IQGAP3: variants seen among roughly 807,000 people sequenced by gnomAD.
The protein encoded by IQGAP3 is ras GTPase-activating-like protein IQGAP3.
IQGAP3 carries 165 observed loss-of-function variants against 208.2 expected under a neutral mutation model. The observed-to-expected ratio is 0.79, with a 90% CI of 0.70 to 0.90. The LOEUF (loss-of-function observed/expected upper bound fraction) is 0.90. Among genes scored for constraint, IQGAP3 ranks in the 40% least tolerant of loss-of-function variants. The probability of loss-of-function intolerance (pLI) is 0.00; values close to 1 mark genes in which losing one functional copy is unlikely to be tolerated. For synonymous variants in IQGAP3, 703 were observed against 803.6 expected, an observed-to-expected ratio of 0.87 and a Z score of 2.12; for missense variants, 1,811 against 2,043.1, an observed-to-expected ratio of 0.89 and a Z score of 2.19.
At position 156,572,546 on chromosome 1, in the gene IQGAP3, G is replaced by T. The variant is rs752588813; in HGVS notation, c.-17C>A. On this transcript the variant is annotated 5_prime_UTR_variant, in exon 1 of 38. In the 5' UTR this introduces an upstream ATG that the reference lacks. Coordinates refer to ENST00000361170, the MANE Select transcript of IQGAP3 (RefSeq NM_178229.5). ...CCTCTCCATGTTCCTCCTTCTTCCA[G>T]GTTTGAATCTCCCGCCGTTGGGCCA... is the stretch of plus-strand genomic sequence containing the variant. 40 of 1,612,902 alleles carry T rather than the reference G, an allele frequency of 2.5e-5. No homozygotes were observed. The highest frequency in any genetic ancestry group is 3.3e-5 in the Non-Finnish European group (39 of 1,179,888).
Position 156,566,533 on chromosome 1 carries a change from AG to A in IQGAP3, c.138del (p.Cys47AlafsTer2). 6.2e-7 allele frequency: 1 copy of A among 1,614,108 alleles called. No homozygotes were observed. The highest frequency in any genetic ancestry group is 8.5e-7 in the Non-Finnish European group (1 of 1,179,996). Reference protein sequence around the residue: ...RLEEAKRWMEACLKEELPSPV... With the variant: ...RLEEAKRWMEXCLKEELPSPV... ...GGGGAAGGAAGCTCCTCCTTCAGGC[AG>A]GCCTCCATCCAGCTATGAACATGAG... is the stretch of plus-strand genomic sequence containing the variant. On this transcript the variant is annotated frameshift_variant, in exon 3 of 38. Transcript: ENST00000361170. LOFTEE classifies it high-confidence loss of function.
chr1:156,563,568 C>G lies in IQGAP3; in HGVS notation c.604G>C (p.Val202Leu), dbSNP rs752788797. ...TAGTCCTTACCTGCAGCCTCATCCA[C>G]CGAGAGCTCATTGGCCAAGATGCCC... ...IGGILANELSVDEAAVHAAVL... is the reference protein window; with the variant it reads ...IGGILANELSLDEAAVHAAVL... The change falls in exon 7 of 38, where the codon GTG becomes CTG. Residue 202 changes from valine to leucine, a missense_variant. Transcript: ENST00000361170. 1 of 1,613,644 alleles carries G rather than the reference C, an allele frequency of 6.2e-7. No individual in the cohort carries two copies. The highest frequency in any genetic ancestry group is 8.5e-7 in the Non-Finnish European group (1 of 1,179,800).
chr1:156,535,987 C>T (rs1674667837), intron 27 of IQGAP3, among the ~76,000 whole-genome samples: 1 of 152,170 alleles, frequency 6.6e-6, no homozygotes, highest in Admixed American at 6.5e-5. Flanking sequence ...ATTATTATTC[C>T]TATTATGGAT....
At chr1:156,547,412 C>CACAG (rs1320204644) in intron 19 of IQGAP3, among the ~76,000 whole-genome samples, 1 of 151,628 alleles carries the variant, frequency 6.6e-6, no homozygotes, top group Non-Finnish European at 1.5e-5. Flanking sequence ...CACACACACA[C>CACAG]ACACACACAC....
rs1283929712 is a variant in IQGAP3 at position 156,528,901 on chromosome 1, G to A, written c.4571+15C>T. The A allele has an allele frequency of 6.2e-7, 1 of 1,613,972 alleles. No individual in the cohort carries two copies. The highest frequency in any genetic ancestry group is 8.5e-7 in the Non-Finnish European group (1 of 1,179,960). ...GTCACTCGTAACCTTCCAAGTACGG[G>A]AAAGCAGCACCTACTTGGAGTCGGG... On this transcript the variant is annotated intron_variant, in intron 35 of 37. Coordinates refer to ENST00000361170, the MANE Select transcript of IQGAP3 (RefSeq NM_178229.5).
At position 156,566,039 on chromosome 1, in the gene IQGAP3, G is replaced by T. The variant is rs750328555; in HGVS notation, c.348C>A (p.Ile116=). 1.9e-6 allele frequency: 3 copies of T among 1,613,110 alleles called. No homozygotes were observed. The South Asian group carries it at 3.3e-5, about 18-fold the overall frequency. The change falls in exon 4 of 38, where the codon ATC becomes ATA. Residue 116 remains isoleucine, a synonymous_variant. Coordinates refer to ENST00000361170, the MANE Select transcript of IQGAP3 (RefSeq NM_178229.5). ...INFWLSAIAH[I]GLPSTFFPET... Reference sequence around the variant, plus strand: ...GGCCCAGTATTACCGAAGGCAGACCGATGTGGGCTATTGCAGATAGCCAAA... The same window carrying T: ...GGCCCAGTATTACCGAAGGCAGACCTATGTGGGCTATTGCAGATAGCCAAA...
At chr1:156,541,104 T>A (rs1022503922) in intron 22 of IQGAP3, among the ~76,000 whole-genome samples, 188 bp from the exon 23 acceptor site, 1 of 151,766 alleles carries the variant, frequency 6.6e-6, no homozygotes, top group Non-Finnish European at 1.5e-5. Context: ...GCCAGGCCTG[T>A]CCCTGAGCTT....
rs2102450802 is a variant in IQGAP3 at position 156,569,421 on chromosome 1, T to C, written c.80A>G (p.Gln27Arg). 9.9e-6 allele frequency: 16 copies of C among 1,612,554 alleles called. No homozygotes were observed. Among genetic ancestry groups the C allele is most frequent in the East Asian group, 2.2e-5 (1 of 44,800 alleles). Residue 27 changes from glutamine (Q) to arginine (R), a missense_variant, in exon 2 of 38, where the codon CAG (glutamine) becomes CGG (arginine). Transcript: ENST00000361170. ...GCACAGGTACTGATAGGCAACATTC[T>C]GCCGCCTCTGCTCATCCATCTCCTC... The part of the protein sequence containing the change: ...TAEEMDEQRR[Q>R]NVAYQYLCRL...
intron 11 of IQGAP3, among the ~76,000 whole-genome samples, chr1:156,560,095 T>A (rs2102431051): frequency 6.6e-6 from 1 of 152,336 alleles, no homozygotes. Flanking sequence ...GGCAAGCAAC[T>A]GTAACAGGCC....
At chr1:156,549,357 A>G (rs953362947) in intron 16 of IQGAP3, among the ~76,000 whole-genome samples, 2 of 151,684 alleles carry the variant, frequency 1.3e-5, no homozygotes, top group African/African-American at 2.4e-5. Context: ...TATAATCCCA[A>G]CTACTCGGGA....
chr1:156,547,098 C>T (rs1454742438), intron 19 of IQGAP3, among the ~76,000 whole-genome samples: 1 of 152,174 alleles, frequency 6.6e-6, no homozygotes, highest in Admixed American at 6.5e-5. Flanking sequence ...AAGGTATCTG[C>T]TCAATTGCCA....
rs1437948376 is a variant in IQGAP3 at position 156,566,490 on chromosome 1, C to A, written c.182G>T (p.Ser61Ile). Residue 61 changes from serine to isoleucine, a missense_variant, in exon 3 of 38, where the codon AGC (serine) becomes ATC (isoleucine). Physicochemically the swap from Ser to Ile is moderately radical, Grantham distance 142 (BLOSUM62 -2). Transcript: ENST00000361170. ...GGCCAGCAGCACTCCATTCCGAAGG[C>A]TCTCCTCCAGCTCCACCGGGGAAGG... ...ELPSPVELEE[S>I]LRNGVLLAKL... 6.2e-7 allele frequency: 1 copy of A among 1,614,044 alleles called. No homozygotes were observed. Among genetic ancestry groups the A allele is most frequent in the Admixed American group, 1.7e-5 (1 of 60,000 alleles).
At chr1:156,562,268 G>T (rs1676190249) in intron 9 of IQGAP3, among the ~76,000 whole-genome samples, 1 of 151,786 alleles carries the variant, frequency 6.6e-6, no homozygotes, top group African/African-American at 2.4e-5. Flanking sequence ...CTCCTACCCA[G>T]ATCCCCCCAT....
rs372897460 is a variant in IQGAP3 at position 156,538,880 on chromosome 1, G to T, written c.3210C>A (p.Ser1070Arg). The change falls in exon 26 of 38, where the codon AGC (serine) becomes AGA (arginine). Residue 1070 changes from serine to arginine, a missense_variant. Transcript: ENST00000361170. ...IQDVLEDKVL[S>R]VHTDPVHLYK... ...AGAGGTGGACAGGGTCTGTGTGGAC[G>T]CTGAGCACTTTGTCTTCTAGCACAT... is the stretch of plus-strand genomic sequence containing the variant. 6.2e-7 allele frequency: 1 copy of T among 1,614,052 alleles called. No homozygotes were observed. Among genetic ancestry groups the T allele is most frequent in the African/African-American group, 1.3e-5 (1 of 74,900 alleles).
In IQGAP3 at chr1:156,548,754, AG is replaced by A; in HGVS notation, c.1826-7del. 1 of 1,560,922 alleles carries A rather than the reference AG, an allele frequency of 6.4e-7. No individual in the cohort carries two copies. ...GGCAGCCACACCAAGAGCCACTGACAGGGGCATCAGGAGAGAGCAGTCAATC... is the reference window on the plus strand; with the variant it reads ...GGCAGCCACACCAAGAGCCACTGACAGGGCATCAGGAGAGAGCAGTCAATC... On this transcript the variant is annotated splice_region_variant and splice_polypyrimidine_tract_variant and intron_variant, in intron 16 of 37. Coordinates refer to ENST00000361170, the MANE Select transcript of IQGAP3 (RefSeq NM_178229.5).
intron 19 of IQGAP3, 86 bp from the exon 20 acceptor site, chr1:156,544,558 TC>T: frequency 1.8e-6 from 2 of 1,122,258 alleles, no homozygotes; most frequent in Non-Finnish European, 2.7e-6. Flanking sequence ...TCCTGGGCCC[TC>T]CAGGGAATGG....
Position 156,526,320 on chromosome 1 carries a change from C to G in IQGAP3, c.*166G>C, listed in dbSNP as rs1253818242. On this transcript the variant is annotated 3_prime_UTR_variant, in exon 38 of 38. Coordinates refer to ENST00000361170, the MANE Select transcript of IQGAP3 (RefSeq NM_178229.5). The stretch of plus-strand genomic sequence containing the variant: ...TTTAGCCAATTAGAAGATACACTGT[C>G]TGTGGCCAGGCAGGCAAGCTCCTCC... 4.9e-6 allele frequency: 3 copies of G among 615,124 alleles called. No individual in the cohort carries two copies. The highest frequency in any genetic ancestry group is 8.8e-6 in the Non-Finnish European group (3 of 342,732). 38.1% of individuals were successfully genotyped at this position (615,124 alleles called of 1,614,324 possible).
intron 33 of IQGAP3, among the ~76,000 whole-genome samples, chr1:156,530,653 C>T (rs576601321): frequency 1.3e-5 from 2 of 152,290 alleles, no homozygotes; most frequent in African/African-American, 4.8e-5. Flanking sequence ...AACAATGGAT[C>T]TTTCTGACGG....
intron 22 of IQGAP3, among the ~76,000 whole-genome samples, 171 bp from the exon 23 acceptor site, chr1:156,541,087 C>G (rs991714055): frequency 6.6e-6 from 1 of 151,760 alleles, no homozygotes; most frequent in Non-Finnish European, 1.5e-5. Context: ...CAGTGGGTAG[C>G]CTTCTAGCCA....
Sources: gnomAD v4.1 joint callset for allele counts (sites outside exome capture counted in the v4.1 genomes callset) on GRCh38, gnomAD v4.1.1 for gene constraint, MANE v1.5 for transcripts, NCBI Gene and HGNC (gene_info 2026-07-23, HGNC 2026-07-21) for gene names.